Variants in SPTA1 observed in about 807,000 individuals in gnomAD.
The protein encoded by SPTA1 is spectrin alpha, erythrocytic 1.
In SPTA1, 177 loss-of-function variants were observed where a neutral mutation model predicts 324.7. That is an observed-to-expected ratio of 0.55 (90% CI 0.48 to 0.62). SPTA1 has a LOEUF of 0.62. Among genes scored for constraint, SPTA1 ranks in the 20% least tolerant of loss-of-function variants. The pLI, the probability that SPTA1 is intolerant of heterozygous loss-of-function variation, is 0.00. For missense variants in SPTA1, 3,162 were observed against 2,883.6 expected (o/e 1.10, Z -2.21); for synonymous variants, 1,195 against 1,041.3 (o/e 1.15, Z -2.84).
chr1:158,681,384 G>T, intron 4 of SPTA1, 143 bp downstream of exon 4: 1 of 1,284,372 alleles, frequency 7.8e-7, no homozygotes, highest in Non-Finnish European at 1.1e-6. Context: ...CTACATTTTG[G>T]CCCCAATTTC....
intron 15 of SPTA1, among the ~76,000 whole-genome samples, chr1:158,667,205 A>G (rs1470839613): frequency 3.3e-5 from 5 of 152,228 alleles, no homozygotes; most frequent in Non-Finnish European, 7.3e-5. Context: ...TAATCAAGGA[A>G]AAGTTATGTT....
chr1:158,653,129 G>C, intron 22 of SPTA1, 145 bp downstream of exon 22: 1 of 1,327,736 alleles, frequency 7.5e-7, no homozygotes, highest in Non-Finnish European at 1.1e-6. Flanking sequence ...ACATTTAAAA[G>C]ATTCTAGGTT....
chr1:158,613,488 A>G (rs537274612), intron 50 of SPTA1, among the ~76,000 whole-genome samples: 10 of 152,202 alleles, frequency 6.6e-5, no homozygotes, highest in Non-Finnish European at 5.9e-5. Flanking sequence ...TAGATTGAAC[A>G]TAAATCATGA....
chr1:158,636,490 A>C (rs924709586), intron 37 of SPTA1, 151 bp downstream of exon 37: 1 of 913,828 alleles, frequency 1.1e-6, no homozygotes, highest in African/African-American at 1.7e-5. Context: ...TAAATGTGGA[A>C]GAGAAAAGAA....
intron 39 of SPTA1, among the ~76,000 whole-genome samples, chr1:158,631,996 A>G (rs928732179): frequency 6.6e-6 from 1 of 152,230 alleles, no homozygotes; most frequent in Non-Finnish European, 1.5e-5. Context: ...TAGCATCCAT[A>G]TGTTCATTGC....
intron 47 of SPTA1, among the ~76,000 whole-genome samples, chr1:158,616,333 A>C (rs1446983889): frequency 6.6e-6 from 1 of 152,152 alleles, no homozygotes; most frequent in Non-Finnish European, 1.5e-5. Context: ...TGGTCTATCA[A>C]TTACTAGTCT....
At chr1:158,681,259 G>A (rs562725790) in intron 4 of SPTA1, among the ~76,000 whole-genome samples, 1 of 152,208 alleles carries the variant, frequency 6.6e-6, no homozygotes, top group Admixed American at 6.5e-5. Flanking sequence ...GGAAGTGGAA[G>A]AGAGATGAGC....
chr1:158,667,777 A>G, intron 15 of SPTA1, 81 bp downstream of exon 15: 1 of 1,471,040 alleles, frequency 6.8e-7, no homozygotes. Flanking sequence ...AGGCCACCAG[A>G]TAAATTTACA....
chr1:158,671,476 C>G, intron 11 of SPTA1, 23 bp from the exon 12 acceptor site: 2 of 1,569,252 alleles, frequency 1.3e-6, no homozygotes, highest in Non-Finnish European at 1.8e-6. Flanking sequence ...GAAAGACACA[C>G]CTAAGCTGTG....
intron 31 of SPTA1, 118 bp from the exon 32 acceptor site, chr1:158,643,094 A>G: frequency 1.4e-6 from 2 of 1,426,872 alleles, no homozygotes; most frequent in Non-Finnish European, 1.9e-6. Flanking sequence ...TAGTCTTATT[A>G]TTTTCATTAT....
intron 5 of SPTA1, 101 bp from the exon 6 acceptor site, chr1:158,678,635 A>C: frequency 2.1e-6 from 3 of 1,402,450 alleles, no homozygotes; most frequent in South Asian, 2.5e-5. Flanking sequence ...CTTTTACAGA[A>C]GTGAAAACTG....
At chr1:158,633,330 T>A (rs1027215806) in intron 39 of SPTA1, among the ~76,000 whole-genome samples, 6 of 152,152 alleles carry the variant, frequency 3.9e-5, no homozygotes, top group Non-Finnish European at 5.9e-5. Flanking sequence ...GGACATGAGA[T>A]CTGTCTGTGT....
intron 27 of SPTA1, 114 bp downstream of exon 27, chr1:158,647,425 A>G: frequency 7.6e-7 from 1 of 1,308,378 alleles, no homozygotes; most frequent in Admixed American, 1.8e-5. Context: ...GCAAGAGGTG[A>G]GACTTAAACG....
rs571173303 is a variant in SPTA1 at position 158,634,817 on chromosome 1, T to A, written c.5433-142A>T. ...AGTTGAAGTGGGCCTCAACACAGTA[T>A]AATAGGTGCCTACTGCTCAGTGGTG... On this transcript the variant is annotated intron_variant, in intron 38 of 51. Coordinates refer to ENST00000643759, the MANE Select transcript of SPTA1 (RefSeq NM_003126.4). 16 of 899,482 alleles carry A rather than the reference T, an allele frequency of 1.8e-5. No individual in the cohort carries two copies. The South Asian group carries it at 2.1e-4, about 12-fold the overall frequency. The allele number at this position is 899,482 out of a possible 1,614,324, so 55.7% of individuals were successfully genotyped here.
intron 31 of SPTA1, 124 bp downstream of exon 31, chr1:158,643,198 G>A (rs1651743951): frequency 7.9e-7 from 1 of 1,261,084 alleles, no homozygotes; most frequent in South Asian, 1.3e-5. Flanking sequence ...CTGCATAGGT[G>A]TCAAGATAGT....
At chr1:158,641,982 A>T (rs7514181) in intron 33 of SPTA1, among the ~76,000 whole-genome samples, 8,069 of 152,256 alleles carry the variant, frequency 0.053, 483 homozygotes, top group African/African-American at 0.15. Flanking sequence ...ATACAGCCAT[A>T]AAAATGATGA....
intron 25 of SPTA1, 104 bp downstream of exon 25, chr1:158,649,752 T>A: frequency 1.1e-6 from 1 of 938,014 alleles, no homozygotes; most frequent in Non-Finnish European, 1.7e-6. Context: ...ATTGTCTCCA[T>A]CTCACGAAAA....
rs1376703331 is a variant in SPTA1, at chr1:158,614,279, A to G, written c.6816T>C (p.Thr2272=). The G allele has an allele frequency of 1.2e-5, 19 of 1,592,144 alleles. No individual in the cohort carries two copies. The highest frequency in any genetic ancestry group is 1.6e-5 in the Non-Finnish European group (19 of 1,160,800). The change falls in exon 49 of 52, where the codon ACT becomes ACC. Residue 2272 remains threonine (T), a synonymous_variant. Coordinates refer to ENST00000643759, the MANE Select transcript of SPTA1 (RefSeq NM_003126.4). The part of the protein sequence containing the change: ...AKDIKGVSEE[T]LKEFSTIYKH... ...TATAGATTGTGCTAAATTCCTTTAG[A>G]GTCTCTTCACTCACACCTTTGATGT...
At position 158,636,803 on chromosome 1, in the gene SPTA1, T is replaced by A. The variant is rs745629292; in HGVS notation, c.5190-42A>T. 3.7e-6 allele frequency: 6 copies of A among 1,612,316 alleles called. No homozygotes were observed. In the Admixed American group the frequency reaches 1.0e-4, roughly 27 times the overall value. ...AAACAGAAAGTTTGGAGTCTAGACATCTAATGTCATCCTACAGCAATAGCT... is the reference window on the plus strand; with the variant it reads ...AAACAGAAAGTTTGGAGTCTAGACAACTAATGTCATCCTACAGCAATAGCT... On this transcript the variant is annotated intron_variant, in intron 36 of 51. Coordinates refer to ENST00000643759, the MANE Select transcript of SPTA1 (RefSeq NM_003126.4).
Sources: gnomAD v4.1 joint callset for allele counts (sites outside exome capture counted in the v4.1 genomes callset) on GRCh38, gnomAD v4.1.1 for gene constraint, MANE v1.5 for transcripts, NCBI Gene and HGNC (gene_info 2026-07-23, HGNC 2026-07-21) for gene names.